The following LEMD2 variants were observed in gnomAD, a reference collection of about 807,000 sequenced individuals.
The protein encoded by LEMD2 is LEM domain-containing protein 2.
Under a neutral mutation model 58.8 loss-of-function variants are expected in LEMD2, and 34 were observed. The observed-to-expected ratio is 0.58, with a 90% CI of 0.44 to 0.77. The LOEUF (loss-of-function observed/expected upper bound fraction) is 0.77. Among genes scored for constraint, LEMD2 ranks in the 30% least tolerant of loss-of-function variants. LEMD2 has a pLI of 0.00. For synonymous variants in LEMD2, 298 were observed against 308.9 expected (o/e 0.96, Z 0.37); for missense variants, 629 against 717.9 (o/e 0.88, Z 1.42).
chr6:33,776,670 G>T, intron 8 of LEMD2: 1 of 455,232 alleles, frequency 2.2e-6, no homozygotes, highest in Non-Finnish European at 4.1e-6. Flanking sequence ...GGAGGGAGCT[G>T]CTATTACTTG....
chr6:33,773,928 A>C (rs1475963507), intron 8 of LEMD2, among the ~76,000 whole-genome samples: 1 of 152,096 alleles, frequency 6.6e-6, no homozygotes, highest in Admixed American at 6.5e-5. Context: ...GTAAGTCAAG[A>C]GAGCAAACAG....
At position 33,789,106 on chromosome 6, in the gene LEMD2, A is replaced by G; in HGVS notation, c.11T>C (p.Leu4Pro). 2 of 1,533,940 alleles carry G rather than the reference A, an allele frequency of 1.3e-6. No homozygotes were observed. Among genetic ancestry groups the G allele is most frequent in the Non-Finnish European group, 8.7e-7 (1 of 1,150,794 alleles). Residue 4 changes from leucine (L) to proline (P), a missense_variant, in exon 1 of 9, where the codon CTG becomes CCG. Around this residue, in one of 2 missense-constraint regions of LEMD2, gnomAD observed 386 missense variants for 381.1 expected, o/e 1.01. Coordinates refer to ENST00000293760, the MANE Select transcript of LEMD2 (RefSeq NM_181336.4). ...CTCCCGCCGCAGTTCCAGGTCCGAC[A>G]GGCCGGCCATGGCCAGGACGCCGCC... MAG[L>P]SDLELRRELQ...
intron 1 of LEMD2, 76 bp from the exon 2 acceptor site, chr6:33,786,850 C>T (rs1767688798): frequency 6.3e-7 from 1 of 1,594,104 alleles, no homozygotes; most frequent in African/African-American, 1.3e-5. Context: ...CTACTCACAA[C>T]ATTTGGAGGG....
intron 6 of LEMD2, among the ~76,000 whole-genome samples, chr6:33,777,767 C>T (rs1049427990): frequency 8.5e-5 from 13 of 152,340 alleles, no homozygotes; most frequent in African/African-American, 3.1e-4. Flanking sequence ...CCCCCGATGT[C>T]AGGGGATAAG....
In LEMD2 at chr6:33,773,603, G is replaced by GGGA. The variant is rs112082202; in HGVS notation, c.1362-826_1362-825insTCC. On this transcript the variant is annotated intron_variant, in intron 8 of 8. Coordinates refer to ENST00000293760, the MANE Select transcript of LEMD2 (RefSeq NM_181336.4). ...CCAGTGAGTCAGGAGGCGGGGGGGG[G>GGGA]GCTAGGGCTTCCCCAGGGGTCAGGA... Among the ~76,000 whole-genome samples, 568 of 149,294 alleles carry GGGA rather than the reference G, an allele frequency of 3.8e-3. 6 individuals carry two copies. Among genetic ancestry groups the GGGA allele is most frequent in the African/African-American group, 0.012 (474 of 41,100 alleles).
chr6:33,778,547 T>A lies in LEMD2; in HGVS notation c.1011-160A>T. On this transcript the variant is annotated intron_variant, in intron 5 of 8. Coordinates refer to ENST00000293760, the MANE Select transcript of LEMD2 (RefSeq NM_181336.4). This position sits in a 1 kb window ranked among gnomAD's most constrained non-coding sequence, Gnocchi z 4.7. The stretch of plus-strand genomic sequence containing the variant: ...TCCTGGCTGCATTCTTTCCAGAAAT[T>A]TCCCACATTGGCTACTTAGAATGAA... The A allele has an allele frequency of 2.0e-6, 1 of 493,184 alleles. No individual in the cohort carries two copies. The highest frequency in any genetic ancestry group is 3.4e-6 in the Non-Finnish European group (1 of 295,216). The allele number at this position is 493,184 out of a possible 1,614,324, so 30.6% of individuals were successfully genotyped here.
chr6:33,777,175 C>T lies in LEMD2; in HGVS notation c.1221G>A (p.Glu407=), dbSNP rs775821868. 7 of 1,614,180 alleles carry T rather than the reference C, an allele frequency of 4.3e-6. No homozygotes were observed. The Admixed American group carries it at 1.0e-4, about 23-fold the overall frequency. The change falls in exon 7 of 9, where the codon GAG becomes GAA. Residue 407 remains glutamate (E), a synonymous_variant. Transcript: ENST00000293760. ...TCACCATCTCATACATGGCTTGTTC[C>T]TCCTCTTCTAACTTTCGCCACCGAT... The part of the protein sequence containing the change: ...LKYRWRKLEE[E]EQAMYEMVKK...
At position 33,788,436 on chromosome 6, in the gene LEMD2, G is replaced by T. The variant is rs1356633086; in HGVS notation, c.681C>A (p.Gly227=). Residue 227 remains glycine (G), a synonymous_variant, in exon 1 of 9, where the codon GGC becomes GGA. Transcript: ENST00000293760. ...GCTTGCCCATCTTCACCCAAAGGAT[G>T]CCCAGGAAGACGAGCAGTAGCCCTA... ...ASLGLLLVFL[G]ILWVKMGKPS... 6.3e-7 allele frequency: 1 copy of T among 1,585,838 alleles called. No individual in the cohort carries two copies. The highest frequency in any genetic ancestry group is 1.3e-5 in the African/African-American group (1 of 74,256).
At chr6:33,772,832 T>G (rs1420072144) in intron 8 of LEMD2, 54 bp from the exon 9 acceptor site, 1 of 1,515,188 alleles carries the variant, frequency 6.6e-7, no homozygotes. Context: ...AGCCAGCCTG[T>G]GGATGCCCCT....
At chr6:33,779,982 GA>G (rs1203136558) in intron 5 of LEMD2, 117 bp downstream of exon 5, 9 of 828,104 alleles carry the variant, frequency 1.1e-5, no homozygotes, top group African/African-American at 1.7e-5. Context: ...ATTCTGCTGG[GA>G]GACCCAGCCT....
At chr6:33,776,626 G>A in intron 8 of LEMD2, 2 of 362,618 alleles carry the variant, frequency 5.5e-6, no homozygotes, top group South Asian at 2.7e-5. Flanking sequence ...CACTTACAGA[G>A]ACTGAGGAGA....
In LEMD2 at chr6:33,788,937, C is replaced by G. The variant is rs1767756133; in HGVS notation, c.180G>C (p.Glu60Asp). Residue 60 changes from glutamate (E) to aspartate (D), a missense_variant, in exon 1 of 9, where the codon GAG (glutamate) becomes GAC (aspartate). Physicochemically the swap from Glu to Asp is conservative, Grantham distance 45. Coordinates refer to ENST00000293760, the MANE Select transcript of LEMD2 (RefSeq NM_181336.4). ...GTAACCGGGCCTCTTCCCGTAACCG[C>G]TCCTCGCCCCGCGGCCGGGCCTCCT... ...LREEARPRGE[E>D]RLREEARLRE... 1 of 1,502,208 alleles carries G rather than the reference C, an allele frequency of 6.7e-7. No individual in the cohort carries two copies. Among genetic ancestry groups the G allele is most frequent in the South Asian group, 1.2e-5 (1 of 80,578 alleles). The allele number at this position is 1,502,208 out of a possible 1,614,324, so 93.1% of individuals were successfully genotyped here.
intron 1 of LEMD2, among the ~76,000 whole-genome samples, chr6:33,788,055 T>G (rs1014867448): frequency 6.6e-6 from 1 of 152,120 alleles, no homozygotes; most frequent in Non-Finnish European, 1.5e-5. Flanking sequence ...GTGAATCTGT[T>G]AGAGGGGGGT....
At chr6:33,773,063 G>A (rs531265238) in intron 8 of LEMD2, among the ~76,000 whole-genome samples, 2 of 152,318 alleles carry the variant, frequency 1.3e-5, no homozygotes, top group East Asian at 3.9e-4. Flanking sequence ...GGCTGTGCTA[G>A]GCTAGCTGAC....
intron 6 of LEMD2, 78 bp from the exon 7 acceptor site, chr6:33,777,317 G>A: frequency 1.0e-6 from 1 of 973,116 alleles, no homozygotes; most frequent in Non-Finnish European, 1.7e-6. Context: ...ATGCTGTGAT[G>A]GATGCTGTGG....
intron 3 of LEMD2, 79 bp from the exon 4 acceptor site, chr6:33,781,232 C>G: frequency 1.1e-6 from 1 of 910,136 alleles, no homozygotes; most frequent in South Asian, 1.4e-5. Flanking sequence ...CAGCAAGAAT[C>G]AAGCCATCAG....
At chr6:33,780,397 GA>G in intron 4 of LEMD2, 1 of 583,290 alleles carries the variant, frequency 1.7e-6, no homozygotes. Context: ...GCACAAGCAG[GA>G]AAACAGTGCG....
intron 4 of LEMD2, 73 bp downstream of exon 4, chr6:33,781,004 C>G: frequency 4.8e-6 from 5 of 1,041,660 alleles, no homozygotes; most frequent in Non-Finnish European, 5.8e-6. Context: ...ACAAAAACCC[C>G]AACAGGGCTT....
intron 2 of LEMD2, among the ~76,000 whole-genome samples, chr6:33,785,029 T>C (rs1488599854): frequency 6.6e-6 from 1 of 152,166 alleles, no homozygotes; most frequent in Non-Finnish European, 1.5e-5. Flanking sequence ...CGAGACGGCC[T>C]GATTAAGACA....
Sources: gnomAD v4.1 joint callset for allele counts (sites outside exome capture counted in the v4.1 genomes callset) on GRCh38, gnomAD v4.1.1 for gene constraint, gnomAD v4.1.1 regional missense constraint, Gnocchi (gnomAD v3.1) non-coding constraint, MANE v1.5 for transcripts, NCBI Gene and HGNC (gene_info 2026-07-23, HGNC 2026-07-21) for gene names.